Variants in ACOXL observed in about 807,000 individuals in gnomAD.
ACOXL encodes acyl-coenzyme A oxidase-like protein.
Under a neutral mutation model 71.9 loss-of-function variants are expected in ACOXL, and 70 were observed. The ratio of observed to expected loss-of-function variants is 0.97; its 90% confidence interval spans 0.80 to 1.19. The LOEUF (loss-of-function observed/expected upper bound fraction) is 1.19, where lower values mean the gene tolerates loss of function less well. ACOXL is among the 50% of genes most tolerant of loss of function. The pLI is 0.00. For missense variants in ACOXL, 703 were observed against 736.3 expected (o/e 0.95, Z 0.52); for synonymous variants, 253 against 281.6 (o/e 0.90, Z 1.02).
At chr2:111,048,653 A>C (rs967232265) in intron 15 of ACOXL, among the ~76,000 whole-genome samples, 8 of 151,822 alleles carry the variant, frequency 5.3e-5, no homozygotes, top group Non-Finnish European at 1.0e-4. Flanking sequence ...GATTACTAAA[A>C]CTTTTTTTTT....
At chr2:111,015,480 T>C (rs1214517084) in intron 14 of ACOXL, among the ~76,000 whole-genome samples, 3 of 152,158 alleles carry the variant, frequency 2.0e-5, no homozygotes, top group Non-Finnish European at 4.4e-5. Flanking sequence ...ATCCTGGCAA[T>C]GCTACAAAGC....
intron 12 of ACOXL, among the ~76,000 whole-genome samples, chr2:110,962,530 G>A (rs550268040): frequency 1.3e-5 from 2 of 152,306 alleles, no homozygotes; most frequent in South Asian, 4.1e-4. Flanking sequence ...AAAGGTGGCC[G>A]GGCCTTCCAG....
At chr2:111,035,320 C>G (rs561603184) in intron 15 of ACOXL, among the ~76,000 whole-genome samples, 1 of 152,316 alleles carries the variant, frequency 6.6e-6, no homozygotes, top group African/African-American at 2.4e-5. Context: ...GTTAAGCAGT[C>G]TCTGGTGGTT....
chr2:110,791,281 G>A (rs1401311828), intron 3 of ACOXL, among the ~76,000 whole-genome samples: 1 of 152,234 alleles, frequency 6.6e-6, no homozygotes, highest in African/African-American at 2.4e-5. Context: ...AGCCCAGGGT[G>A]CCTACTAAGA....
At position 110,787,587 on chromosome 2, in the gene ACOXL, T is replaced by C. The variant is rs111635241; in HGVS notation, c.159+2772T>C. 2.3e-4 allele frequency among the ~76,000 whole-genome samples: 34 copies of C among 150,742 alleles called. 1 individual carries two copies. The highest frequency in any genetic ancestry group is 8.0e-4 in the African/African-American group (33 of 41,070). On this transcript the variant is annotated intron_variant, in intron 3 of 17. Coordinates refer to ENST00000439055, the MANE Select transcript of ACOXL (RefSeq NM_001142807.4). ...AAAAAAGAAATACTTCTCTGATCAC[T>C]CCAGTCTCCTGCTTAAAACCCCTTC...
intron 1 of ACOXL, among the ~76,000 whole-genome samples, chr2:110,764,715 T>C (rs1680827213): frequency 6.6e-6 from 1 of 152,324 alleles, no homozygotes; most frequent in African/African-American, 2.4e-5. Flanking sequence ...GTGGGGGATT[T>C]TGATAGTGAG....
At chr2:110,851,479 A>G (rs1294627882) in intron 10 of ACOXL, among the ~76,000 whole-genome samples, 1 of 152,198 alleles carries the variant, frequency 6.6e-6, no homozygotes, top group East Asian at 1.9e-4. Context: ...CAATGAAGGC[A>G]GGTTGCAAGC....
chr2:110,888,331 T>G (rs149490063), intron 10 of ACOXL, among the ~76,000 whole-genome samples: 2,380 of 152,312 alleles, frequency 0.016, 67 homozygotes, highest in African/African-American at 0.055. Context: ...ACTTGGTTTC[T>G]GCTATAATAG....
At chr2:111,084,760 A>T (rs2068114781) in intron 16 of ACOXL, among the ~76,000 whole-genome samples, 1 of 152,210 alleles carries the variant, frequency 6.6e-6, no homozygotes, top group African/African-American at 2.4e-5. Flanking sequence ...GACCCAATTA[A>T]AAGGCACAGA....
At chr2:110,782,097 A>G (rs1405473928) in intron 2 of ACOXL, among the ~76,000 whole-genome samples, 1 of 152,246 alleles carries the variant, frequency 6.6e-6, no homozygotes, top group Non-Finnish European at 1.5e-5. Flanking sequence ...TGGAATTATT[A>G]TTATTTAAAA....
At chr2:110,868,328 G>T (rs1694863330) in intron 10 of ACOXL, among the ~76,000 whole-genome samples, 1 of 152,130 alleles carries the variant, frequency 6.6e-6, no homozygotes, top group East Asian at 1.9e-4. Flanking sequence ...TGTCATTTGT[G>T]GCACCAGAGT....
chr2:111,009,723 G>C (rs913221858), intron 14 of ACOXL, among the ~76,000 whole-genome samples: 1 of 152,118 alleles, frequency 6.6e-6, no homozygotes, highest in African/African-American at 2.4e-5. Context: ...AAAGTTGGAA[G>C]CTTTAAAGAG....
At chr2:110,947,259 C>T (rs1165006405) in intron 12 of ACOXL, among the ~76,000 whole-genome samples, 1 of 152,210 alleles carries the variant, frequency 6.6e-6, no homozygotes, top group East Asian at 1.9e-4. Flanking sequence ...GTTCTGCTTT[C>T]ACATTGCCTC....
At chr2:110,734,813 G>T (rs1676633474) in intron 1 of ACOXL, among the ~76,000 whole-genome samples, 1 of 152,064 alleles carries the variant, frequency 6.6e-6, no homozygotes, top group Non-Finnish European at 1.5e-5. Context: ...CAGAGGAAAG[G>T]CATGCCTGGA....
intron 12 of ACOXL, among the ~76,000 whole-genome samples, chr2:110,984,042 C>T (rs1286388840): frequency 6.6e-6 from 1 of 152,038 alleles, no homozygotes. Context: ...GACGGGGTTT[C>T]ACTATGTTGG....
At chr2:111,028,011 C>T (rs1210499912) in intron 14 of ACOXL, among the ~76,000 whole-genome samples, 1 of 151,916 alleles carries the variant, frequency 6.6e-6, no homozygotes, top group Non-Finnish European at 1.5e-5. Flanking sequence ...CACAGCAAGA[C>T]CCTATCTCTA....
At chr2:110,986,471 C>T (rs992354407) in intron 12 of ACOXL, among the ~76,000 whole-genome samples, 6 of 152,208 alleles carry the variant, frequency 3.9e-5, no homozygotes, top group South Asian at 2.1e-4. Flanking sequence ...CTCACTCGTG[C>T]TGTGGCAGCA....
At chr2:110,961,317 T>A (rs930788422) in intron 12 of ACOXL, among the ~76,000 whole-genome samples, 1 of 152,216 alleles carries the variant, frequency 6.6e-6, no homozygotes, top group South Asian at 2.1e-4. Flanking sequence ...AAGGGAATTA[T>A]ATTGCATGTG....
intron 17 of ACOXL, among the ~76,000 whole-genome samples, chr2:111,107,753 G>A (rs944419248): frequency 5.3e-5 from 8 of 152,242 alleles, no homozygotes; most frequent in African/African-American, 1.9e-4. Context: ...TTCCCAAAGT[G>A]TTAGGATTAC....
Sources: allele counts gnomAD v4.1 joint callset (sites outside exome capture counted in the v4.1 genomes callset), GRCh38; gene constraint gnomAD v4.1.1; transcripts MANE v1.5; gene names NCBI Gene and HGNC (gene_info 2026-07-23, HGNC 2026-07-21).